The following PSTPIP2 variants were observed in gnomAD, a reference collection of about 807,000 sequenced individuals.
PSTPIP2 encodes the protein proline-serine-threonine phosphatase-interacting protein 2.
Under a neutral mutation model 63.3 loss-of-function variants are expected in PSTPIP2, and 33 were observed. That is an observed-to-expected ratio of 0.52 (90% CI 0.40 to 0.70). PSTPIP2 has a LOEUF of 0.70. Among genes scored for constraint, PSTPIP2 ranks in the 30% least tolerant of loss-of-function variants. The probability of loss-of-function intolerance (pLI) is 0.00; values close to 1 mark genes in which losing one functional copy is unlikely to be tolerated. For missense variants in PSTPIP2, 312 were observed against 400.7 expected, an observed-to-expected ratio of 0.78 and a Z score of 1.89; for synonymous variants, 125 against 132.7, an observed-to-expected ratio of 0.94 and a Z score of 0.40.
At chr18:46,039,241 GT>G (rs536497489) in intron 2 of PSTPIP2, among the ~76,000 whole-genome samples, 3 of 152,072 alleles carry the variant, frequency 2.0e-5, no homozygotes, top group Non-Finnish European at 2.9e-5. Context: ...ACTAAGTTTT[GT>G]TTTTTTAAAA....
intron 2 of PSTPIP2, chr18:46,029,827 A>G: frequency 4.5e-6 from 2 of 448,272 alleles, no homozygotes; most frequent in East Asian, 4.9e-5. Context: ...TGAAAAGGGC[A>G]AGGCCGGCTG....
intron 1 of PSTPIP2, among the ~76,000 whole-genome samples, chr18:46,043,027 T>C (rs4890618): frequency 0.15 from 22,228 of 151,740 alleles, 2,133 homozygotes; most frequent in East Asian, 0.42. Flanking sequence ...TTGGTTTGTG[T>C]TTCCAGGAAA....
chr18:46,006,715 CT>C (rs751248632), intron 5 of PSTPIP2, among the ~76,000 whole-genome samples: 3 of 152,124 alleles, frequency 2.0e-5, no homozygotes, highest in Non-Finnish European at 2.9e-5. Flanking sequence ...AGGTAAATGC[CT>C]CGCTTGGGAG....
intron 1 of PSTPIP2, among the ~76,000 whole-genome samples, chr18:46,040,830 G>A (rs1470247900): frequency 6.6e-6 from 1 of 152,202 alleles, no homozygotes; most frequent in Admixed American, 6.5e-5. Flanking sequence ...ACAGGCACGT[G>A]GATGAGGGAG....
intron 1 of PSTPIP2, chr18:46,040,929 C>A (rs937771885): frequency 6.7e-6 from 3 of 444,754 alleles, no homozygotes; most frequent in African/African-American, 4.0e-5. Flanking sequence ...CCCACTCCAG[C>A]CTTCTGTCAT....
intron 3 of PSTPIP2, among the ~76,000 whole-genome samples, chr18:46,019,239 T>C (rs371620925): frequency 6.6e-6 from 1 of 152,098 alleles, no homozygotes; most frequent in African/African-American, 2.4e-5. Context: ...ATGCATCATT[T>C]TATATATATA....
In PSTPIP2 at chr18:45,991,943, A is replaced by G. The variant is rs1218423100; in HGVS notation, c.879T>C (p.Asn293=). 1 of 1,613,824 alleles carries G rather than the reference A, an allele frequency of 6.2e-7. No individual in the cohort carries two copies. The highest frequency in any genetic ancestry group is 2.2e-5 in the East Asian group (1 of 44,878). ...CTGTAGCCTTTCCTGCTGGGACTGCATTCTTCTGGGAGGAGTAGAAATTCT... is the reference window on the plus strand; with the variant it reads ...CTGTAGCCTTTCCTGCTGGGACTGCGTTCTTCTGGGAGGAGTAGAAATTCT... ...MYENFYSSQK[N]AVPAGKATGP... The change falls in exon 12 of 15, where the codon AAT becomes AAC. Residue 293 remains asparagine (N), a synonymous_variant. Transcript: ENST00000409746.
Position 45,984,448 on chromosome 18 carries a change from T to G in PSTPIP2, c.*1011A>C, listed in dbSNP as rs2051447843. 6.6e-6 allele frequency: 1 copy of G among 152,228 alleles called. No homozygotes were observed. Among genetic ancestry groups the G allele is most frequent in the South Asian group, 2.1e-4 (1 of 4,834 alleles). The allele number at this position is 152,228 out of a possible 1,614,324, so 9.4% of individuals were successfully genotyped here. A position where few individuals can be genotyped will look rare whatever the true frequency, so the allele number is the denominator to read the frequency against. On this transcript the variant is annotated 3_prime_UTR_variant, in exon 15 of 15. Transcript: ENST00000409746. ...ATTCTGGGGTCTAGCAAGGGAAAGA[T>G]TCTCTGTGAAGACCCAAAATTGAGG... is the stretch of plus-strand genomic sequence containing the variant.
chr18:46,011,669 T>A (rs896246111), intron 4 of PSTPIP2, among the ~76,000 whole-genome samples: 1 of 152,246 alleles, frequency 6.6e-6, no homozygotes, highest in African/African-American at 2.4e-5. Flanking sequence ...CCATCTCTAA[T>A]GTCTCATGAG....
chr18:46,062,540 T>C (rs1448084317), intron 1 of PSTPIP2, among the ~76,000 whole-genome samples: 1 of 152,118 alleles, frequency 6.6e-6, no homozygotes, highest in Non-Finnish European at 1.5e-5. Context: ...TTTTTTTTTT[T>C]TGGAGACGGA....
intron 3 of PSTPIP2, among the ~76,000 whole-genome samples, chr18:46,018,214 T>C (rs1350639102): frequency 6.6e-6 from 1 of 152,178 alleles, no homozygotes; most frequent in Non-Finnish European, 1.5e-5. Flanking sequence ...TTATTGCTTC[T>C]GTTGACACCC....
rs1460491882 is a variant in PSTPIP2 at position 46,053,174 on chromosome 18, C to A, written c.34-13127G>T. Among the ~76,000 whole-genome samples the A allele has an allele frequency of 2.0e-5, 3 of 152,212 alleles. No homozygotes were observed. The East Asian group carries it at 5.8e-4, about 29-fold the overall frequency. ...TCTCCAATCCTTGAAATATGTGACT[C>A]TTGTTTCTACTTGCTATTTATAAAA... On this transcript the variant is annotated intron_variant, in intron 1 of 14. Transcript: ENST00000409746.
intron 8 of PSTPIP2, among the ~76,000 whole-genome samples, chr18:45,998,530 A>G (rs1355318101): frequency 1.3e-5 from 2 of 152,174 alleles, no homozygotes; most frequent in East Asian, 1.9e-4. Context: ...CAGAAGCCAG[A>G]AACAGTGGCC....
At position 46,023,219 on chromosome 18, in the gene PSTPIP2, CAT is replaced by C. The variant is rs542356492; in HGVS notation, c.212+1388_212+1389del. Among the ~76,000 whole-genome samples the C allele has an allele frequency of 6.4e-3, 972 of 152,290 alleles. 5 individuals are homozygous for C. Among genetic ancestry groups the C allele is most frequent in the Non-Finnish European group, 7.3e-3 (497 of 68,018 alleles). On this transcript the variant is annotated intron_variant, in intron 3 of 14. Transcript: ENST00000409746. Reference sequence around the variant, plus strand: ...ATATGTACAACAAATCCCCATAACACATGTTTACCTATATAACAAACCTGCAC... The same window carrying C: ...ATATGTACAACAAATCCCCATAACACGTTTACCTATATAACAAACCTGCAC...
intron 1 of PSTPIP2, chr18:46,040,978 T>C (rs1430075835): frequency 4.4e-6 from 2 of 456,822 alleles, no homozygotes; most frequent in Non-Finnish European, 8.8e-6. Flanking sequence ...TGACTCACGC[T>C]ACAGGACCAT....
chr18:45,991,960 A>G lies in PSTPIP2; in HGVS notation c.862T>C (p.Tyr288His), dbSNP rs2051539160. ...PPAPIMYENF[Y>H]SSQKNAVPAG... ...GGGACTGCATTCTTCTGGGAGGAGT[A>G]GAAATTCTCATACATGATGGGTGCT... Residue 288 changes from tyrosine to histidine, a missense_variant, in exon 12 of 15, where the codon TAC (tyrosine) becomes CAC (histidine). Physicochemically the swap from Tyr to His is moderately conservative, Grantham distance 83 (BLOSUM62 2). Coordinates refer to ENST00000409746, the MANE Select transcript of PSTPIP2 (RefSeq NM_024430.4). 3 of 1,613,694 alleles carry G rather than the reference A, an allele frequency of 1.9e-6. No individual in the cohort carries two copies. Among genetic ancestry groups the G allele is most frequent in the Non-Finnish European group, 1.7e-6 (2 of 1,179,574 alleles).
chr18:45,992,634 CA>C (rs897435010), intron 10 of PSTPIP2, among the ~76,000 whole-genome samples: 1 of 150,038 alleles, frequency 6.7e-6, no homozygotes. Context: ...TTCTTGTTTT[CA>C]AAAAAAAAGA....
rs756384731 is a variant in PSTPIP2, at chr18:46,006,360, C to CTTTTTTTTTTTTTTT, written c.355-844_355-830dup. ...TGAGCCACCATGCCCAGCCCTGGTA[C>CTTTTTTTTTTTTTTT]TTTTTTTTTTTTTTTTTTTTTTTTT... is the stretch of plus-strand genomic sequence containing the variant. On this transcript the variant is annotated intron_variant, in intron 5 of 14. Transcript: ENST00000409746. Among the ~76,000 whole-genome samples, 2 of 115,628 alleles carry CTTTTTTTTTTTTTTT rather than the reference C, an allele frequency of 1.7e-5. 1 individual carries two copies. The allele number at this position is 115,628 out of a possible 152,430, so 75.9% of individuals were successfully genotyped here. A position where few individuals can be genotyped will look rare whatever the true frequency, so the allele number is the denominator to read the frequency against.
chr18:46,015,461 T>G (rs1454296546), intron 4 of PSTPIP2, among the ~76,000 whole-genome samples: 2 of 151,998 alleles, frequency 1.3e-5, no homozygotes, highest in African/African-American at 4.8e-5. Flanking sequence ...GATGACAGTG[T>G]CTCCGAGTTA....
Sources: allele counts gnomAD v4.1 joint callset (sites outside exome capture counted in the v4.1 genomes callset), GRCh38; gene constraint gnomAD v4.1.1; transcripts MANE v1.5; gene names NCBI Gene and HGNC (gene_info 2026-07-23, HGNC 2026-07-21).